DCAKD: variants seen among roughly 807,000 people sequenced by gnomAD.
DCAKD encodes dephospho-CoA kinase domain containing, also known as dephospho-CoA kinase domain-containing protein.
A neutral mutation model predicts 18.7 loss-of-function variants in DCAKD; 15 were observed. The ratio of observed to expected loss-of-function variants is 0.80; its 90% CI spans 0.54 to 1.24. DCAKD has a LOEUF of 1.24. Among genes scored for constraint, DCAKD ranks in the 50% most tolerant of loss-of-function variants. The pLI is 0.00. For synonymous variants in DCAKD, 130 were observed against 133.0 expected, an observed-to-expected ratio of 0.98 and a Z score of 0.16; for missense variants, 301 against 322.0, an observed-to-expected ratio of 0.93 and a Z score of 0.50.
chr17:45,040,317 G>A (rs2143289523), intron 1 of DCAKD, among the ~76,000 whole-genome samples: 1 of 151,722 alleles, frequency 6.6e-6, no homozygotes, highest in East Asian at 1.9e-4. Flanking sequence ...AACCCGGGAG[G>A]CGGAGGTTGC....
rs2143195927 is a variant in DCAKD at position 45,030,108 on chromosome 17, T to C, written c.388A>G (p.Thr130Ala). ...CACACTCACCAGTATACTACCACGG[T>C]GTGCTTCATGTACTTGAGCAACTTC... ...TKKLLKYMKH[T>A]VVVYCDRDTQ... Residue 130 changes from threonine to alanine, a missense_variant, in exon 4 of 5, where the codon ACC (threonine) becomes GCC (alanine). Transcript: ENST00000651974. The C allele has an allele frequency of 6.2e-7, 1 of 1,613,996 alleles. No individual in the cohort carries two copies. Among genetic ancestry groups the C allele is most frequent in the Non-Finnish European group, 8.5e-7 (1 of 1,179,884 alleles).
chr17:45,058,639 C>A (rs1250324123), intron 1 of DCAKD, among the ~76,000 whole-genome samples: 1 of 151,410 alleles, frequency 6.6e-6, no homozygotes, highest in Non-Finnish European at 1.5e-5. Context: ...CCAGGCTGGT[C>A]TCGAACTCCT....
At chr17:45,060,828 G>A (rs2053842509) in intron 1 of DCAKD, 1 of 165,014 alleles carries the variant, frequency 6.1e-6, no homozygotes, top group African/African-American at 2.4e-5. Flanking sequence ...CTCTAAGAAG[G>A]CCTGGGGCAT....
chr17:45,034,139 T>C (rs2053232268), intron 3 of DCAKD, 48 bp downstream of exon 3: 1 of 1,612,154 alleles, frequency 6.2e-7, no homozygotes, highest in African/African-American at 1.3e-5. Context: ...AGAAGGGCCC[T>C]GGCCCTGGAA....
chr17:45,052,192 T>C (rs2053722443), upstream of DCAKD, among the ~76,000 whole-genome samples: 1 of 152,016 alleles, frequency 6.6e-6, no homozygotes, highest in Admixed American at 6.6e-5. Context: ...AGCCATAAAT[T>C]TTCCTTTCCC....
At position 45,034,187 on chromosome 17, in the gene DCAKD, C is replaced by T. The variant is rs746973107; in HGVS notation, c.316G>A (p.Gly106Arg). The change falls in exon 3 of 5, where the codon GGA becomes AGA. Residue 106 changes from glycine (G) to arginine (R), a missense_variant and splice_region_variant. Physicochemically the swap from Gly to Arg is moderately radical, Grantham distance 125. Coordinates refer to ENST00000651974, the MANE Select transcript of DCAKD (RefSeq NM_001288655.2). ...MKETFKYFLR[G>R]YRYVILDIPL... ...CCCCGCCCCAGGCCCTGGCACTTACCCCGGAGGAAGTACTTGAACGTCTCC... is the reference window on the plus strand; with the variant it reads ...CCCCGCCCCAGGCCCTGGCACTTACTCCGGAGGAAGTACTTGAACGTCTCC... 6.2e-7 allele frequency: 1 copy of T among 1,612,856 alleles called. No homozygotes were observed. The highest frequency in any genetic ancestry group is 8.5e-7 in the Non-Finnish European group (1 of 1,179,166).
chr17:45,057,323 A>G lies in DCAKD; in HGVS notation c.-118+3565T>C, dbSNP rs1294079978. Reference sequence around the variant, plus strand: ...CTCCCAAAGTGTTGGGATTACAGGCATGAGCCACCTCACCCAGCTATATTT... The same window carrying G: ...CTCCCAAAGTGTTGGGATTACAGGCGTGAGCCACCTCACCCAGCTATATTT... On this transcript the variant is annotated intron_variant, in intron 1 of 4. Transcript: ENST00000310604. Among the ~76,000 whole-genome samples the G allele has an allele frequency of 8.0e-5, 12 of 150,560 alleles. No individual in the cohort carries two copies. The East Asian group carries it at 2.5e-3, about 31-fold the overall frequency.
At chr17:45,057,717 A>C (rs917043921) in intron 1 of DCAKD, among the ~76,000 whole-genome samples, 3 of 149,628 alleles carry the variant, frequency 2.0e-5, no homozygotes, top group South Asian at 4.2e-4. Flanking sequence ...AAAAAAAAAA[A>C]ACAGTAATTC....
Position 45,034,745 on chromosome 17 carries a change from C to T in DCAKD, c.112+29G>A, listed in dbSNP as rs773364796. The T allele has an allele frequency of 8.1e-6, 13 of 1,607,414 alleles. No homozygotes were observed. The East Asian group carries it at 1.6e-4, about 19-fold the overall frequency. ...CGGAAGCGTGGGGAGCTGCTGTGCA[C>T]GGCCCCCCAACCTGCCCCTCCAACT... On this transcript the variant is annotated intron_variant, in intron 2 of 4. Coordinates refer to ENST00000651974, the MANE Select transcript of DCAKD (RefSeq NM_001288655.2).
chr17:45,056,561 C>T (rs1434318661), upstream of DCAKD, among the ~76,000 whole-genome samples: 1 of 152,082 alleles, frequency 6.6e-6, no homozygotes, highest in African/African-American at 2.4e-5. Flanking sequence ...GCAACCTCCA[C>T]TTCCCGGGTT....
chr17:45,039,058 G>A (rs577975131), intron 1 of DCAKD, among the ~76,000 whole-genome samples: 77 of 152,352 alleles, frequency 5.1e-4, no homozygotes, highest in African/African-American at 1.6e-3. Context: ...AGCAGGAATG[G>A]TCAGGTGGTG....
intron 3 of DCAKD, chr17:45,031,806 C>T (rs1007145316): frequency 3.0e-6 from 3 of 985,446 alleles, no homozygotes; most frequent in Non-Finnish European, 3.6e-6. Flanking sequence ...TTAAGACATC[C>T]GTCTGCCTAC....
chr17:45,037,674 G>A (rs1053000772), intron 1 of DCAKD, among the ~76,000 whole-genome samples: 2 of 151,950 alleles, frequency 1.3e-5, no homozygotes, highest in African/African-American at 4.8e-5. Flanking sequence ...GGCCATGGCT[G>A]GTCTCGAACT....
chr17:45,056,840 T>TCG (rs2053785963), intron 1 of DCAKD, among the ~76,000 whole-genome samples: 1 of 151,480 alleles, frequency 6.6e-6, no homozygotes, highest in African/African-American at 2.4e-5. Context: ...TGATCTCCGC[T>TCG]CACTGCAAGC....
chr17:45,050,275 C>T (rs1443567581), intron 1 of DCAKD, among the ~76,000 whole-genome samples: 3 of 152,026 alleles, frequency 2.0e-5, no homozygotes, highest in African/African-American at 7.3e-5. Flanking sequence ...AACTCCTAAC[C>T]TCGGGTGATC....
chr17:45,030,586 T>C (rs1279949384), intron 3 of DCAKD, among the ~76,000 whole-genome samples: 2 of 152,238 alleles, frequency 1.3e-5, no homozygotes, highest in African/African-American at 4.8e-5. Context: ...ACTAAGGGTT[T>C]AGTTCACCTT....
intron 4 of DCAKD, among the ~76,000 whole-genome samples, chr17:45,029,798 G>A (rs533529442): frequency 3.9e-5 from 6 of 152,266 alleles, no homozygotes; most frequent in South Asian, 2.1e-4. Flanking sequence ...GAGCCACTGA[G>A]TAACAGTGGC....
chr17:45,055,011 A>G (rs1318704121), upstream of DCAKD, among the ~76,000 whole-genome samples: 1 of 152,180 alleles, frequency 6.6e-6, no homozygotes, highest in African/African-American at 2.4e-5. Context: ...CTGCCCCAGG[A>G]AGATCCCATA....
intron 3 of DCAKD, chr17:45,033,896 C>A: frequency 1.5e-6 from 2 of 1,369,782 alleles, no homozygotes; most frequent in Non-Finnish European, 1.9e-6. Flanking sequence ...TATTCACCAG[C>A]TCTTATTACT....
Sources: allele counts gnomAD v4.1 joint callset (sites outside exome capture counted in the v4.1 genomes callset), GRCh38; gene constraint gnomAD v4.1.1; transcripts MANE v1.5; gene names NCBI Gene and HGNC (gene_info 2026-07-23, HGNC 2026-07-21).